Variants in RANBP9 observed in about 807,000 individuals in gnomAD.
RANBP9 encodes RAN binding protein 9, also known as ran-binding protein 9.
RANBP9 carries 15 observed loss-of-function variants against 84.3 expected under a neutral mutation model. That is an observed-to-expected ratio of 0.18 (90% CI 0.12 to 0.27). The LOEUF is 0.27. RANBP9 is among the 10% of genes least tolerant of loss of function. The pLI is 1.00. For missense variants in RANBP9, 809 were observed against 912.8 expected (o/e 0.89, Z 1.46); for synonymous variants, 392 against 349.6 (o/e 1.12, Z -1.35).
intron 2 of RANBP9, among the ~76,000 whole-genome samples, chr6:13,661,993 G>GA (rs1584929561): frequency 6.6e-6 from 1 of 151,866 alleles, no homozygotes; most frequent in Non-Finnish European, 1.5e-5. Context: ...AAGAATGAGG[G>GA]AAAAAATAAG....
chr6:13,642,990 A>G (rs1765101601), intron 6 of RANBP9, among the ~76,000 whole-genome samples: 1 of 152,178 alleles, frequency 6.6e-6, no homozygotes, highest in Admixed American at 6.5e-5. Context: ...GCATTCTGTA[A>G]AATAACCAAC....
At chr6:13,666,139 C>A (rs1025903982) in intron 2 of RANBP9, among the ~76,000 whole-genome samples, 5 of 151,812 alleles carry the variant, frequency 3.3e-5, no homozygotes, top group Non-Finnish European at 5.9e-5. Context: ...CACACACACA[C>A]AAAAAGAGAA....
At chr6:13,710,197 A>G (rs544127429) in intron 1 of RANBP9, among the ~76,000 whole-genome samples, 8 of 152,264 alleles carry the variant, frequency 5.3e-5, no homozygotes, top group African/African-American at 1.7e-4. Flanking sequence ...ACATAAGCCA[A>G]TTTTCTTCAA....
At chr6:13,645,140 T>TTA (rs1765152192) in intron 5 of RANBP9, among the ~76,000 whole-genome samples, 1 of 152,206 alleles carries the variant, frequency 6.6e-6, no homozygotes, top group South Asian at 2.1e-4. Context: ...AAACTGCATG[T>TTA]TAAAGCTAGT....
At position 13,622,469 on chromosome 6, in the gene RANBP9, G is replaced by A; in HGVS notation, c.2083C>T (p.Pro695Ser). 1 of 1,588,414 alleles carries A rather than the reference G, an allele frequency of 6.3e-7. No individual in the cohort carries two copies. Among genetic ancestry groups the A allele is most frequent in the African/African-American group, 1.4e-5 (1 of 73,880 alleles). The change falls in exon 14 of 14, where the codon CCT becomes TCT. Residue 695 changes from proline (P) to serine (S), a missense_variant. By Grantham distance (74) the Pro-to-Ser change is moderately conservative. Transcript: ENST00000011619. ...TGTCCCATTGCTAGGGCAAGTGGAG[G>A]TTGCTTTGGCAGATTGTGGGTTTCT... is the stretch of plus-strand genomic sequence containing the variant. ...ILETHNLPKQ[P>S]PLALAMGQAT...
Position 13,644,722 on chromosome 6 carries a change from A to G in RANBP9, c.935T>C (p.Leu312Ser). 1.3e-6 allele frequency: 2 copies of G among 1,594,018 alleles called. No homozygotes were observed. The highest frequency in any genetic ancestry group is 1.7e-6 in the Non-Finnish European group (2 of 1,171,840). ...GIAFTDLPPN[L>S]YPTVGLQTPG... ...TGTTTGAAGCCCCACAGTAGGATAC[A>G]AATTTGGCTGTAAGATAGCATATTT... Residue 312 changes from leucine to serine, a missense_variant, in exon 6 of 14, where the codon TTG becomes TCG. By Grantham distance (145) the Leu-to-Ser change is moderately radical (BLOSUM62 -2). Coordinates refer to ENST00000011619, the MANE Select transcript of RANBP9 (RefSeq NM_005493.3).
At chr6:13,631,476 C>T (rs1335741603) in intron 12 of RANBP9, among the ~76,000 whole-genome samples, 2 of 152,118 alleles carry the variant, frequency 1.3e-5, no homozygotes, top group African/African-American at 2.4e-5. Context: ...TGTATCATGT[C>T]GGCACTCTTA....
At chr6:13,655,995 G>A (rs1274921284) in intron 4 of RANBP9, among the ~76,000 whole-genome samples, 1 of 152,152 alleles carries the variant, frequency 6.6e-6, no homozygotes, top group South Asian at 2.1e-4. Flanking sequence ...AAACTTTTAA[G>A]TCAGATAATA....
chr6:13,673,939 C>G (rs1457160564), intron 2 of RANBP9, among the ~76,000 whole-genome samples: 1 of 151,800 alleles, frequency 6.6e-6, no homozygotes, highest in African/African-American at 2.4e-5. Context: ...AAAAAATTAG[C>G]CAGGTGTGGT....
intron 1 of RANBP9, among the ~76,000 whole-genome samples, chr6:13,703,050 T>C (rs918464232): frequency 2.0e-5 from 3 of 152,182 alleles, no homozygotes; most frequent in African/African-American, 7.2e-5. Context: ...TCTCATTCTG[T>C]TGCCCAGGCT....
At chr6:13,637,158 TC>T (rs1424495223) in intron 10 of RANBP9, among the ~76,000 whole-genome samples, 1 of 152,088 alleles carries the variant, frequency 6.6e-6, no homozygotes, top group Non-Finnish European at 1.5e-5. Context: ...ATATCAAGGG[TC>T]ATAGTACACT....
intron 1 of RANBP9, among the ~76,000 whole-genome samples, chr6:13,705,868 C>CAAAAAAAAAAA (rs767070995): frequency 2.6e-4 from 20 of 76,728 alleles, no homozygotes; most frequent in East Asian, 8.8e-4. Flanking sequence ...GACTCCGTCT[C>CAAAAAAAAAAA]AAAAAAAAAA....
Position 13,711,756 on chromosome 6 carries a change from C to T in RANBP9, c.-251G>A, listed in dbSNP as rs992825376. ...GGGCGCGCGGCCCGGGGACGAGGCG[C>T]CGAGGGCGGGGGCGACGCGGGAGCG... On this transcript the variant is annotated 5_prime_UTR_variant, in exon 1 of 14. Transcript: ENST00000011619. 6.3e-4 allele frequency among the ~76,000 whole-genome samples: 92 copies of T among 146,622 alleles called. 1 individual carries two copies. Among genetic ancestry groups the T allele is most frequent in the African/African-American group, 2.1e-3 (84 of 40,666 alleles).
chr6:13,654,258 T>A (rs551083814), intron 4 of RANBP9, among the ~76,000 whole-genome samples: 1 of 152,318 alleles, frequency 6.6e-6, no homozygotes, highest in East Asian at 1.9e-4. Context: ...CATAACTATT[T>A]GAATTTTACA....
chr6:13,629,893 CTG>C (rs913395177), intron 12 of RANBP9, among the ~76,000 whole-genome samples: 11 of 125,624 alleles, frequency 8.8e-5, no homozygotes, highest in Admixed American at 1.7e-4. Context: ...TCTCATGTCT[CTG>C]TCTCTCTCTC....
chr6:13,656,325 C>G, intron 4 of RANBP9, among the ~76,000 whole-genome samples: 1 of 151,866 alleles, frequency 6.6e-6, no homozygotes, highest in East Asian at 1.9e-4. Flanking sequence ...AAAGATTTTT[C>G]CAGCAGTAAA....
At chr6:13,680,694 T>C (rs1219096564) in intron 2 of RANBP9, among the ~76,000 whole-genome samples, 2 of 150,878 alleles carry the variant, frequency 1.3e-5, no homozygotes, top group Non-Finnish European at 2.9e-5. Context: ...AGGTTGAGGC[T>C]GCAGTGAGCC....
At chr6:13,652,964 T>A (rs894770282) in intron 4 of RANBP9, among the ~76,000 whole-genome samples, 1 of 152,168 alleles carries the variant, frequency 6.6e-6, no homozygotes, top group Non-Finnish European at 1.5e-5. Flanking sequence ...TTTAGATATA[T>A]CTTCAAAGCT....
intron 2 of RANBP9, among the ~76,000 whole-genome samples, chr6:13,694,024 C>T (rs1207581473): frequency 6.6e-6 from 1 of 152,096 alleles, no homozygotes; most frequent in Non-Finnish European, 1.5e-5. Flanking sequence ...GCCTGGGTGA[C>T]AGAGCGAGAC....
Sources: allele counts gnomAD v4.1 joint callset (sites outside exome capture counted in the v4.1 genomes callset), GRCh38; gene constraint gnomAD v4.1.1; transcripts MANE v1.5; gene names NCBI Gene and HGNC (gene_info 2026-07-23, HGNC 2026-07-21).